The following TTN variants were observed in gnomAD, a reference collection of about 807,000 sequenced individuals.
TTN encodes the protein titin.
A neutral mutation model predicts 3,223.0 loss-of-function variants in TTN; 1,525 were observed. That is an observed-to-expected ratio of 0.47 (90% CI 0.45 to 0.49). The LOEUF is 0.49. TTN is among the 20% of genes least tolerant of loss of function. TTN has a pLI of 0.00. For synonymous variants in TTN, 14,094 were observed against 15,161.0 expected, an observed-to-expected ratio of 0.93 and a Z score of 5.17; for missense variants, 40,786 against 43,424.0, an observed-to-expected ratio of 0.94 and a Z score of 5.40.
Position 178,624,640 on chromosome 2 carries a change from AT to A in TTN, c.44639del (p.Asn14880MetfsTer4). The A allele has an allele frequency of 6.2e-7, 1 of 1,612,306 alleles. No homozygotes were observed. ...AVLECEVSRE[N>X]AKVKWFKNGT... ...CATTTTTGAACCATTTCACCTTAGC[AT>A]TTTCTCTGGAGACTTCACACTCCAG... On this transcript the variant is annotated frameshift_variant, in exon 242 of 363. Coordinates refer to ENST00000589042, the MANE Select transcript of TTN (RefSeq NM_001267550.2). LOFTEE classifies it high-confidence loss of function.
At position 178,558,629 on chromosome 2, in the gene TTN, T is replaced by A; in HGVS notation, c.86830A>T (p.Ser28944Cys). The A allele has an allele frequency of 6.2e-7, 1 of 1,610,430 alleles. No homozygotes were observed. The highest frequency in any genetic ancestry group is 8.5e-7 in the Non-Finnish European group (1 of 1,179,266). ...KEGVKITEKP[S>C]PPEKLGVTSI... Reference sequence around the variant, plus strand: ...GTTACTCCAAGTTTTTCAGGTGGGCTTGGTTTTTCTAAGAAAACAAAGCAT... The same window carrying A: ...GTTACTCCAAGTTTTTCAGGTGGGCATGGTTTTTCTAAGAAAACAAAGCAT... The change falls in exon 327 of 363, where the codon AGC becomes TGC. Residue 28944 changes from serine to cysteine, a missense_variant. Physicochemically the swap from Ser to Cys is moderately radical, Grantham distance 112. Transcript: ENST00000589042.
At chr2:178,677,156 C>G in intron 147 of TTN, 45 bp downstream of exon 147, 1 of 1,180,888 alleles carries the variant, frequency 8.5e-7, no homozygotes, top group Non-Finnish European at 1.1e-6. Flanking sequence ...ATTTATGTGA[C>G]CAAGCTATGG....
Position 178,775,079 on chromosome 2 carries a change from C to A in TTN, c.6632G>T (p.Gly2211Val). 1 of 1,614,020 alleles carries A rather than the reference C, an allele frequency of 6.2e-7. No individual in the cohort carries two copies. The highest frequency in any genetic ancestry group is 1.1e-5 in the South Asian group (1 of 91,080). The change falls in exon 29 of 363, where the codon GGT (glycine) becomes GTT (valine). Residue 2211 changes from glycine (G) to valine (V), a missense_variant. Gly to Val is a moderately radical substitution (Grantham distance 109, BLOSUM62 -3). Coordinates refer to ENST00000589042, the MANE Select transcript of TTN (RefSeq NM_001267550.2). ...PFVKVKWYKD[G>V]MEVHEGDKYR... ...TTTATCTCCCTCATGAACCTCCATA[C>A]CATCTTTATACCATTTCACTTTGAC...
chr2:178,680,584 A>G (rs1025687288), intron 138 of TTN, among the ~76,000 whole-genome samples: 2 of 152,050 alleles, frequency 1.3e-5, no homozygotes, highest in African/African-American at 4.8e-5. Flanking sequence ...TTAGTGTTCA[A>G]ATATCTCTGC....
rs749624176 is a variant in TTN, at chr2:178,601,803, A to G, written c.55303-16T>C. The G allele has an allele frequency of 9.4e-6, 15 of 1,601,696 alleles. No homozygotes were observed. The highest frequency in any genetic ancestry group is 9.4e-6 in the Non-Finnish European group (11 of 1,175,516). On this transcript the variant is annotated splice_polypyrimidine_tract_variant and intron_variant, in intron 285 of 362. Transcript: ENST00000589042. ...CAGTCTCCAGCTGTACAAAGAAAAT[A>G]GTAGTCATACATTGAATGAAATCAT...
chr2:178,531,830 C>T lies in TTN; in HGVS notation c.104785G>A (p.Glu34929Lys), dbSNP rs1689229990. 6.2e-7 allele frequency: 1 copy of T among 1,613,812 alleles called. No individual in the cohort carries two copies. The highest frequency in any genetic ancestry group is 1.7e-5 in the Admixed American group (1 of 59,982). ...GTGAAAGGCTGCTGACTCAAAACTT[C>T]ATACTTCCTTTCTGATGTCTTCTGA... ...KTQKTSERKY[E>K]VLSQQPFTLD... is the part of the protein sequence containing the mutation. Residue 34929 changes from glutamate (E) to lysine (K), a missense_variant, in exon 358 of 363, where the codon GAA becomes AAA. Coordinates refer to ENST00000589042, the MANE Select transcript of TTN (RefSeq NM_001267550.2).
Position 178,710,753 on chromosome 2 carries a change from C to T in TTN, c.28344G>A (p.Leu9448=), listed in dbSNP as rs1308468692. Residue 9448 remains leucine, a synonymous_variant, in exon 98 of 363, where the codon CTG becomes CTA. Transcript: ENST00000589042. ...GGACTGTCAGGTGGGCGCTGTTTTC[C>T]AGATAACTAATCTGGTACTTTCCGC... The part of the protein sequence containing the change: ...RSGGKYQISY[L]ENSAHLTVLK... The T allele has an allele frequency of 6.2e-7, 1 of 1,613,754 alleles. No individual in the cohort carries two copies. The highest frequency in any genetic ancestry group is 2.2e-5 in the East Asian group (1 of 44,874).
chr2:178,605,326 C>G, intron 279 of TTN, 31 bp from the exon 280 acceptor site: 2 of 1,538,066 alleles, frequency 1.3e-6, no homozygotes, highest in Admixed American at 2.1e-5. Context: ...AAAACAGTAA[C>G]AAAGTCATAA....
chr2:178,731,180 C>T lies in TTN; in HGVS notation c.17485G>A (p.Ala5829Thr). 4 of 1,613,254 alleles carry T rather than the reference C, an allele frequency of 2.5e-6. No individual in the cohort carries two copies. Among genetic ancestry groups the T allele is most frequent in the Non-Finnish European group, 3.4e-6 (4 of 1,179,434 alleles). ...VKEPATITEEAVSIDVTQGDP... is the reference protein window; with the variant it reads ...VKEPATITEETVSIDVTQGDP... ...CCTTGGGTGACATCTATAGACACAG[C>T]TTCCTCGGTGATTGTTGCAGGTTCT... The change falls in exon 60 of 363, where the codon GCT (alanine) becomes ACT (threonine). Residue 5829 changes from alanine to threonine, a missense_variant. Coordinates refer to ENST00000589042, the MANE Select transcript of TTN (RefSeq NM_001267550.2).
rs764254441 is a variant in TTN at position 178,566,798 on chromosome 2, C to T, written c.79334G>A (p.Arg26445His). The change falls in exon 326 of 363, where the codon CGT becomes CAT. Residue 26445 changes from arginine to histidine, a missense_variant. Transcript: ENST00000589042. ...TTCTGTTAATCCTGTCACTCTTAGACGCAAATCTGTAATGCGGCGTTTATT... is the reference window on the plus strand; with the variant it reads ...TTCTGTTAATCCTGTCACTCTTAGATGCAAATCTGTAATGCGGCGTTTATT... ...KCNKRRITDL[R>H]LRVTGLTEDH... is the part of the protein sequence containing the mutation. The T allele has an allele frequency of 7.2e-5, 116 of 1,613,228 alleles. No individual in the cohort carries two copies. The highest frequency in any genetic ancestry group is 1.6e-4 in the Middle Eastern group (1 of 6,080).
At chr2:178,755,996 C>T (rs553146915) in intron 46 of TTN, among the ~76,000 whole-genome samples, 13 of 152,200 alleles carry the variant, frequency 8.5e-5, no homozygotes, top group African/African-American at 2.4e-4. Flanking sequence ...CTTTGCTTCC[C>T]GAACCTACGT....
At chr2:178,671,067 G>C in intron 156 of TTN, 23 bp downstream of exon 156, 2 of 1,582,690 alleles carry the variant, frequency 1.3e-6, no homozygotes, top group Non-Finnish European at 1.7e-6. Context: ...AAGTTAAGTA[G>C]TAATTTTTCA....
Position 178,536,981 on chromosome 2 carries a change from G to T in TTN, c.100128C>A (p.Asp33376Glu), listed in dbSNP as rs1691887188. The T allele has an allele frequency of 6.2e-7, 1 of 1,613,314 alleles. No homozygotes were observed. The highest frequency in any genetic ancestry group is 1.1e-5 in the South Asian group (1 of 90,976). Residue 33376 changes from aspartate to glutamate, a missense_variant, in exon 356 of 363, where the codon GAC becomes GAA. Transcript: ENST00000589042. ...VSAQNTFGIS[D>E]PLEVSSVVII... ...TCACAACTGAGGACACTTCTAGAGG[G>T]TCACTGATGCCGAAAGTGTTCTGAG...
rs1577785893 is a variant in TTN, at chr2:178,709,228, A to C, written c.28753+338T>G. ...TGTGATATTTGGTGATGAACATTAAAAAAATTTCAAAACAAATGTGCTTCA... is the reference window on the plus strand; with the variant it reads ...TGTGATATTTGGTGATGAACATTAACAAAATTTCAAAACAAATGTGCTTCA... On this transcript the variant is annotated intron_variant, in intron 99 of 362. Coordinates refer to ENST00000589042, the MANE Select transcript of TTN (RefSeq NM_001267550.2). Among the ~76,000 whole-genome samples, 5 of 152,324 alleles carry C rather than the reference A, an allele frequency of 3.3e-5. 1 individual carries two copies. The highest frequency in any genetic ancestry group is 3.3e-4 in the Admixed American group (5 of 15,302).
chr2:178,593,826 C>T lies in TTN; in HGVS notation c.58474G>A (p.Val19492Met). Residue 19492 changes from valine to methionine, a missense_variant, in exon 298 of 363, where the codon GTG becomes ATG. Physicochemically the swap from Val to Met is conservative, Grantham distance 21. Transcript: ENST00000589042. Reference sequence around the variant, plus strand: ...GAGATAACCATGTAATCTTTGGTCACCTCATCAAAACTAACTGGTCCTACT... The same window carrying T: ...GAGATAACCATGTAATCTTTGGTCATCTCATCAAAACTAACTGGTCCTACT... Reference protein sequence around the residue: ...PPVGPVSFDEVTKDYMVISWK... With the variant: ...PPVGPVSFDEMTKDYMVISWK... 1 of 1,612,956 alleles carries T rather than the reference C, an allele frequency of 6.2e-7. No homozygotes were observed. The highest frequency in any genetic ancestry group is 1.7e-4 in the Middle Eastern group (1 of 6,054).
In TTN at chr2:178,633,123, G is replaced by T. The variant is rs1298837437; in HGVS notation, c.43086+64C>A. On this transcript the variant is annotated intron_variant, in intron 233 of 362. Coordinates refer to ENST00000589042, the MANE Select transcript of TTN (RefSeq NM_001267550.2). The stretch of plus-strand genomic sequence containing the variant: ...CCTACAAATCATCAAGATATTTTAT[G>T]CCTTTTTTCACCCTACACAACCAAG... The T allele has an allele frequency of 1.9e-6, 3 of 1,598,830 alleles. No individual in the cohort carries two copies. In the African/African-American group the frequency reaches 4.0e-5, roughly 22 times the overall value.
chr2:178,637,478 A>G (rs996464900), intron 223 of TTN, 59 bp from the exon 224 acceptor site: 2 of 1,126,260 alleles, frequency 1.8e-6, no homozygotes. Context: ...CATGTTTAAT[A>G]GTAAACCATG....
In TTN at chr2:178,653,605, CAG is replaced by C. The variant is rs1349499031; in HGVS notation, c.38626+14_38626+15del. 63 of 1,091,484 alleles carry C rather than the reference CAG, an allele frequency of 5.8e-5. No homozygotes were observed. The highest frequency in any genetic ancestry group is 2.9e-4 in the South Asian group (17 of 58,752). The allele number at this position is 1,091,484 out of a possible 1,614,324, so 67.6% of individuals were successfully genotyped here. A position where few individuals can be genotyped will look rare whatever the true frequency, so the allele number is the denominator to read the frequency against. The stretch of plus-strand genomic sequence containing the variant: ...AGATATTTCTTCTGCAGAAAAAGGA[CAG>C]GGGTAAAAAATACCTGTGGCAGGTG... On this transcript the variant is annotated intron_variant, in intron 196 of 362. Coordinates refer to ENST00000589042, the MANE Select transcript of TTN (RefSeq NM_001267550.2).
In TTN at chr2:178,537,200, T is replaced by C. The variant is rs878926568; in HGVS notation, c.99909A>G (p.Leu33303=). 3.7e-6 allele frequency: 6 copies of C among 1,611,626 alleles called. No homozygotes were observed. The highest frequency in any genetic ancestry group is 4.2e-6 in the Non-Finnish European group (5 of 1,178,156). ...KPTGPIVIEA[L]LKNSAVISWK... ...AGCTGATCACTGCGGAGTTCTTCAATAGAGCTTCGATCACAATTGGTCCTG... is the reference window on the plus strand; with the variant it reads ...AGCTGATCACTGCGGAGTTCTTCAACAGAGCTTCGATCACAATTGGTCCTG... The change falls in exon 356 of 363, where the codon CTA becomes CTG. Residue 33303 remains leucine (L), a synonymous_variant. Coordinates refer to ENST00000589042, the MANE Select transcript of TTN (RefSeq NM_001267550.2).
Sources: allele counts gnomAD v4.1 joint callset (sites outside exome capture counted in the v4.1 genomes callset), GRCh38; gene constraint gnomAD v4.1.1; transcripts MANE v1.5; gene names NCBI Gene and HGNC (gene_info 2026-07-23, HGNC 2026-07-21).